Variants in MLH3 observed in about 807,000 individuals in gnomAD.
MLH3 encodes the protein DNA mismatch repair protein Mlh3.
MLH3 carries 82 observed loss-of-function variants against 122.2 expected under a neutral mutation model. That is an observed-to-expected ratio of 0.67 (90% CI 0.56 to 0.81). MLH3 has a LOEUF of 0.81. Among genes scored for constraint, MLH3 ranks in the 30% least tolerant of loss-of-function variants. The pLI, the probability that MLH3 is intolerant of heterozygous loss-of-function variation, is 0.00. For missense variants in MLH3, 1,539 were observed against 1,714.5 expected, an observed-to-expected ratio of 0.90 and a Z score of 1.81; for synonymous variants, 524 against 599.5, an observed-to-expected ratio of 0.87 and a Z score of 1.84.
At position 75,032,150 on chromosome 14, in the gene MLH3, A is replaced by T. The variant is rs748334436; in HGVS notation, c.3745T>A (p.Ser1249Thr). The change falls in exon 8 of 13, where the codon TCT becomes ACT. Residue 1249 changes from serine (S) to threonine (T), a missense_variant. Physicochemically the swap from Ser to Thr is moderately conservative, Grantham distance 58 (BLOSUM62 1). Transcript: ENST00000355774. ...DSYEKQQAQG[S>T]GRKKLLSSTL... ...GAAGACAGTAATTTTTTCCGACCAG[A>T]GCCTTGTGCCTGTTGCTTCTCGTAG... 4 of 1,613,584 alleles carry T rather than the reference A, an allele frequency of 2.5e-6. No homozygotes were observed. The South Asian group carries it at 4.4e-5, about 18-fold the overall frequency.
At chr14:75,036,126 TCA>T (rs1242588831) in intron 6 of MLH3, among the ~76,000 whole-genome samples, 1 of 152,204 alleles carries the variant, frequency 6.6e-6, no homozygotes, top group Non-Finnish European at 1.5e-5. Flanking sequence ...AGCTGTTCTT[TCA>T]CAGTCTCTTT....
intron 11 of MLH3, among the ~76,000 whole-genome samples, chr14:75,021,096 C>T (rs145731545): frequency 5.3e-5 from 8 of 152,176 alleles, no homozygotes; most frequent in African/African-American, 1.2e-4. Flanking sequence ...AGGCTGGTCT[C>T]GAACTCCTGA....
At position 75,046,847 on chromosome 14, in the gene MLH3, T is replaced by C; in HGVS notation, c.2809A>G (p.Thr937Ala). ...TTATCCTGTGTGGCAGAATCTGATG[T>C]TGGGATGACACCATTCTCTGTTTTT... ...HEKTENGVIP[T>A]SDSATQDNSF... The change falls in exon 2 of 13, where the codon ACA (threonine) becomes GCA (alanine). Residue 937 changes from threonine (T) to alanine (A), a missense_variant. By Grantham distance (58) the Thr-to-Ala change is moderately conservative. Transcript: ENST00000355774. 1 of 1,614,138 alleles carries C rather than the reference T, an allele frequency of 6.2e-7. No homozygotes were observed. Among genetic ancestry groups the C allele is most frequent in the Non-Finnish European group, 8.5e-7 (1 of 1,180,034 alleles).
chr14:75,043,019 A>G (rs1595076818), intron 2 of MLH3, among the ~76,000 whole-genome samples: 1 of 152,026 alleles, frequency 6.6e-6, no homozygotes, highest in South Asian at 2.1e-4. Context: ...CTTGTGATCC[A>G]CCCGCCTCGG....
In MLH3 at chr14:75,049,179, C is replaced by A. The variant is rs774909658; in HGVS notation, c.477G>T (p.Arg159Ser). The change falls in exon 2 of 13, where the codon AGG (arginine) becomes AGT (serine). Residue 159 changes from arginine (R) to serine (S), a missense_variant. Transcript: ENST00000355774. ...YNLFYQLPVR[R>S]KCMDPRLEFE... ...ACTCCAGTCTAGGGTCCATGCATTT[C>A]CTCCTTACAGGAAGCTGGTAAAATA... 1 of 1,614,208 alleles carries A rather than the reference C, an allele frequency of 6.2e-7. No homozygotes were observed. Among genetic ancestry groups the A allele is most frequent in the Non-Finnish European group, 8.5e-7 (1 of 1,180,038 alleles).
chr14:75,041,490 G>C lies in MLH3; in HGVS notation c.3465+125C>G, dbSNP rs148588969. 247 of 760,580 alleles carry C rather than the reference G, an allele frequency of 3.2e-4. No individual in the cohort carries two copies. In the African/African-American group the frequency reaches 3.5e-3, roughly 11 times the overall value. The allele number at this position is 760,580 out of a possible 1,614,324, so 47.1% of individuals were successfully genotyped here. Reference sequence around the variant, plus strand: ...CTTGAACCTGGGAAGCGAAGGTTACGTGAGCCGAGATCATGCCATTGCATT... The same window carrying C: ...CTTGAACCTGGGAAGCGAAGGTTACCTGAGCCGAGATCATGCCATTGCATT... On this transcript the variant is annotated intron_variant, in intron 4 of 12. Transcript: ENST00000355774.
rs1892225900 is a variant in MLH3 at position 75,046,437 on chromosome 14, G to A, written c.3219C>T (p.Asp1073=). Residue 1073 remains aspartate, a synonymous_variant, in exon 2 of 13, where the codon GAC becomes GAT. Coordinates refer to ENST00000355774, the MANE Select transcript of MLH3 (RefSeq NM_001040108.2). ...GGTCTTTAGTACAAGCAGCCTGAAT[G>A]TCCTCAGTTGGGGCAATGAATGTGC... ...GLSTFIAPTE[D]IQAACTKDLT... 1.9e-6 allele frequency: 3 copies of A among 1,614,168 alleles called. No individual in the cohort carries two copies. The highest frequency in any genetic ancestry group is 2.5e-6 in the Non-Finnish European group (3 of 1,180,010).
intron 9 of MLH3, among the ~76,000 whole-genome samples, chr14:75,024,051 T>C (rs1352590002): frequency 2.0e-5 from 3 of 152,260 alleles, no homozygotes; most frequent in Admixed American, 6.5e-5. Context: ...CAAACATTCT[T>C]GTGTTTGTAC....
intron 9 of MLH3, among the ~76,000 whole-genome samples, chr14:75,023,608 A>T (rs1292308308): frequency 6.6e-6 from 1 of 152,156 alleles, no homozygotes; most frequent in Non-Finnish European, 1.5e-5. Context: ...CCCTGGGGTA[A>T]CCTTTTCAAT....
chr14:75,047,855 C>T lies in MLH3; in HGVS notation c.1801G>A (p.Val601Ile), dbSNP rs1555345589. 4 of 1,613,010 alleles carry T rather than the reference C, an allele frequency of 2.5e-6. No homozygotes were observed. Among genetic ancestry groups the T allele is most frequent in the Non-Finnish European group, 3.4e-6 (4 of 1,179,786 alleles). ...GRRNVFSYGR[V>I]KLCSTGFITH... ...ATAAAGCCAGTGGAACATAATTTAACTCGCCCATAACTAAAAACATTTCTT... is the reference window on the plus strand; with the variant it reads ...ATAAAGCCAGTGGAACATAATTTAATTCGCCCATAACTAAAAACATTTCTT... Residue 601 changes from valine to isoleucine, a missense_variant, in exon 2 of 13, where the codon GTT becomes ATT. Val to Ile is a conservative substitution (Grantham distance 29). Transcript: ENST00000355774.
chr14:75,030,953 A>G (rs1320873779), intron 8 of MLH3, among the ~76,000 whole-genome samples: 3 of 152,052 alleles, frequency 2.0e-5, no homozygotes, highest in African/African-American at 7.2e-5. Flanking sequence ...CTTGTTTCTA[A>G]GTGTGTTTTC....
intron 2 of MLH3, among the ~76,000 whole-genome samples, chr14:75,045,365 T>A (rs530490665): frequency 6.4e-4 from 97 of 152,362 alleles, no homozygotes; most frequent in Middle Eastern, 6.8e-3. Context: ...TCTTCCTGAA[T>A]AACAGCTACT....
intron 4 of MLH3, among the ~76,000 whole-genome samples, chr14:75,040,564 T>G (rs1018664825): frequency 1.3e-5 from 2 of 151,256 alleles, no homozygotes; most frequent in African/African-American, 4.9e-5. Context: ...CAAAAAAAAT[T>G]GTTTCACAAC....
chr14:75,020,558 C>A (rs932917773), intron 11 of MLH3, among the ~76,000 whole-genome samples: 2 of 152,046 alleles, frequency 1.3e-5, no homozygotes, highest in African/African-American at 2.4e-5. Context: ...TCTCACACTG[C>A]CATGAAGAAA....
At position 75,048,706 on chromosome 14, in the gene MLH3, T is replaced by C. The variant is rs1335397409; in HGVS notation, c.950A>G (p.Tyr317Cys). The C allele has an allele frequency of 6.2e-7, 1 of 1,614,208 alleles. No homozygotes were observed. The highest frequency in any genetic ancestry group is 1.1e-5 in the South Asian group (1 of 91,082). The change falls in exon 2 of 13, where the codon TAT becomes TGT. Residue 317 changes from tyrosine to cysteine, a missense_variant. Transcript: ENST00000355774. ...VINVQCQFCE[Y>C]DVCMEPAKTL... ...TTTGGCTGGCTCCATGCACACATCA[T>C]ACTCACAGAATTGGCACTGCACATT...
chr14:75,032,501 CCACA>C (rs926492465), intron 7 of MLH3, among the ~76,000 whole-genome samples: 6 of 152,150 alleles, frequency 3.9e-5, no homozygotes, highest in African/African-American at 1.2e-4. Flanking sequence ...TGTGGGTTGA[CCACA>C]CAGTCTTATG....
chr14:75,025,994 AT>A (rs1890605462), intron 9 of MLH3, among the ~76,000 whole-genome samples: 1 of 152,084 alleles, frequency 6.6e-6, no homozygotes, highest in African/African-American at 2.4e-5. Flanking sequence ...TCTGTCTCAG[AT>A]ATGTCACTCC....
Position 75,049,410 on chromosome 14 carries a change from C to T in MLH3, c.246G>A (p.Gln82=), listed in dbSNP as rs1407041352. The stretch of plus-strand genomic sequence containing the variant: ...CATAAAACCTTGGATTCTCCAAGTC[C>T]TGTACCGAGTGGCATTTACTGGTGA... The part of the protein sequence containing the change: ...RYFTSKCHSV[Q]DLENPRFYGF... Residue 82 remains glutamine, a synonymous_variant, in exon 2 of 13, where the codon CAG becomes CAA. Transcript: ENST00000355774. 2 of 1,613,992 alleles carry T rather than the reference C, an allele frequency of 1.2e-6. No homozygotes were observed. Among genetic ancestry groups the T allele is most frequent in the Admixed American group, 1.7e-5 (1 of 60,012 alleles).
chr14:75,019,124 C>T (rs935117377), intron 11 of MLH3, 144 bp from the exon 12 acceptor site: 7 of 781,738 alleles, frequency 9.0e-6, no homozygotes, highest in Non-Finnish European at 1.5e-5. Flanking sequence ...GAAATTGGTG[C>T]TTATAGGCCG....
Sources: gnomAD v4.1 joint callset for allele counts (sites outside exome capture counted in the v4.1 genomes callset) on GRCh38, gnomAD v4.1.1 for gene constraint, MANE v1.5 for transcripts, NCBI Gene and HGNC (gene_info 2026-07-23, HGNC 2026-07-21) for gene names.